ECE1: variants seen among roughly 807,000 people sequenced by gnomAD.
The protein encoded by ECE1 is endothelin-converting enzyme 1.
Under a neutral mutation model 98.6 loss-of-function variants are expected in ECE1, and 35 were observed. The observed-to-expected ratio is 0.35, with a 90% CI of 0.27 to 0.47. The LOEUF (loss-of-function observed/expected upper bound fraction) is 0.47. ECE1 is among the 20% of genes least tolerant of loss of function. The pLI, the probability that ECE1 is intolerant of heterozygous loss-of-function variation, is 1.00. For missense variants in ECE1, 814 were observed against 1,025.3 expected (o/e 0.79, Z 2.81); for synonymous variants, 394 against 407.1 (o/e 0.97, Z 0.39).
At chr1:21,229,209 G>C (rs1159802940) in intron 14 of ECE1, among the ~76,000 whole-genome samples, 1 of 150,976 alleles carries the variant, frequency 6.6e-6, no homozygotes, top group Non-Finnish European at 1.5e-5. Context: ...TAAGCGACAA[G>C]ATCTTGTTGT....
intron 3 of ECE1, among the ~76,000 whole-genome samples, chr1:21,273,342 TGTGC>T (rs983852021): frequency 1.4e-4 from 13 of 91,124 alleles, no homozygotes; most frequent in African/African-American, 3.5e-4. Flanking sequence ...CCCGTGCGTG[TGTGC>T]GTGTGTGTGT....
At chr1:21,309,350 T>C (rs1638667167) in intron 1 of ECE1, among the ~76,000 whole-genome samples, 1 of 152,238 alleles carries the variant, frequency 6.6e-6, no homozygotes, top group Admixed American at 6.5e-5. Context: ...ACTTAACCTC[T>C]CTGTGCCTCT....
At chr1:21,266,809 G>T (rs564866119) in intron 4 of ECE1, 15 of 152,326 alleles carry the variant, frequency 9.8e-5, no homozygotes, top group Admixed American at 9.2e-4. Context: ...GCCAGGACTG[G>T]AGCCTAAGCC....
chr1:21,343,836 G>C (rs985984370), intron 1 of ECE1, among the ~76,000 whole-genome samples: 6 of 152,172 alleles, frequency 3.9e-5, no homozygotes, highest in African/African-American at 1.4e-4. Flanking sequence ...TTTTAAGGAA[G>C]AAAAAATTTT....
intron 3 of ECE1, among the ~76,000 whole-genome samples, chr1:21,278,279 C>T (rs1390060010): frequency 6.6e-6 from 1 of 152,228 alleles, no homozygotes. Flanking sequence ...GTTTACTGAG[C>T]ATCAACTCTG....
intron 1 of ECE1, among the ~76,000 whole-genome samples, chr1:21,337,235 G>A (rs1425351013): frequency 2.0e-5 from 3 of 152,184 alleles, no homozygotes; most frequent in Admixed American, 6.5e-5. Context: ...ACCCAATGCG[G>A]CACGACTCAG....
intron 15 of ECE1, among the ~76,000 whole-genome samples, chr1:21,227,453 G>A (rs963277847): frequency 1.3e-5 from 2 of 152,220 alleles, no homozygotes; most frequent in South Asian, 2.1e-4. Flanking sequence ...GGCACCATGC[G>A]CTGTGCTAGA....
At position 21,279,297 on chromosome 1, in the gene ECE1, G is replaced by A. The variant is rs1459118953; in HGVS notation, c.174C>T (p.Cys58=). 6 of 1,614,086 alleles carry A rather than the reference G, an allele frequency of 3.7e-6. No homozygotes were observed. The African/African-American group carries it at 8.0e-5, about 22-fold the overall frequency. Residue 58 remains cysteine, a synonymous_variant, in exon 3 of 19, where the codon TGC becomes TGT. Transcript: ENST00000374893. ...TCTCCACCTGGGTCCGTGCAGCCCA[G>A]CACCTCTGGCCACTCCGGGGGCTGT... is the stretch of plus-strand genomic sequence containing the variant. ...NFHSPRSGQR[C]WAARTQVEKR... is the part of the protein sequence containing the mutation.
intron 2 of ECE1, among the ~76,000 whole-genome samples, chr1:21,282,152 TG>T (rs1450101197): frequency 6.6e-6 from 1 of 152,094 alleles, no homozygotes; most frequent in East Asian, 1.9e-4. Context: ...TAGCTAGGCA[TG>T]GTGGCATGCA....
chr1:21,239,826 G>A (rs1449241543), intron 10 of ECE1, among the ~76,000 whole-genome samples: 2 of 151,690 alleles, frequency 1.3e-5, no homozygotes, highest in Non-Finnish European at 2.9e-5. Context: ...GGCAGAAGGG[G>A]ATATTCTCTA....
At chr1:21,288,535 A>G (rs2098263044) in intron 2 of ECE1, among the ~76,000 whole-genome samples, 1 of 152,224 alleles carries the variant, frequency 6.6e-6, no homozygotes, top group Admixed American at 6.5e-5. Flanking sequence ...TTTCATCTGA[A>G]AAAGGTTATA....
intron 1 of ECE1, among the ~76,000 whole-genome samples, chr1:21,309,770 TTTTTTTTCTTTC>T (rs1444490600): frequency 2.7e-5 from 4 of 149,616 alleles, no homozygotes; most frequent in African/African-American, 1.0e-4. Context: ...TGGATTTTCT[TTTTTTTTCTTTC>T]TTTTTTTTTT....
intron 10 of ECE1, among the ~76,000 whole-genome samples, chr1:21,244,175 CA>C (rs2103257200): frequency 6.6e-6 from 1 of 152,274 alleles, no homozygotes; most frequent in South Asian, 2.1e-4. Flanking sequence ...GTGAGCTTGG[CA>C]CACCAGCCTC....
At chr1:21,254,325 C>T (rs902932408) in intron 8 of ECE1, among the ~76,000 whole-genome samples, 5 of 152,128 alleles carry the variant, frequency 3.3e-5, no homozygotes, top group Non-Finnish European at 7.4e-5. Flanking sequence ...CGTGGTGGCT[C>T]ATGCTTATAA....
intron 1 of ECE1, among the ~76,000 whole-genome samples, chr1:21,326,601 TA>T (rs923687798): frequency 1.3e-5 from 2 of 151,404 alleles, no homozygotes; most frequent in African/African-American, 2.4e-5. Context: ...AGGTTCATAA[TA>T]GGGGGGTTAT....
chr1:21,237,809 C>T (rs2098190283), intron 11 of ECE1, among the ~76,000 whole-genome samples: 1 of 152,214 alleles, frequency 6.6e-6, no homozygotes, highest in Non-Finnish European at 1.5e-5. Context: ...AAAATGTCAC[C>T]CTCTGGGCCA....
At chr1:21,270,905 C>T (rs1207225288) in intron 4 of ECE1, among the ~76,000 whole-genome samples, 1 of 152,190 alleles carries the variant, frequency 6.6e-6, no homozygotes, top group East Asian at 1.9e-4. Context: ...CCTTGTTATA[C>T]TACCTGGACT....
chr1:21,222,160 T>C (rs977366931), intron 17 of ECE1: 2 of 409,490 alleles, frequency 4.9e-6, no homozygotes, highest in Admixed American at 3.6e-5. Context: ...CAGAGCCACA[T>C]CGTGTGTGTG....
chr1:21,242,929 C>T (rs1286676142), intron 10 of ECE1, among the ~76,000 whole-genome samples: 1 of 152,218 alleles, frequency 6.6e-6, no homozygotes, highest in African/African-American at 2.4e-5. Context: ...TACAGACATG[C>T]ACCACTGCGC....
Sources: allele counts gnomAD v4.1 joint callset (sites outside exome capture counted in the v4.1 genomes callset), GRCh38; gene constraint gnomAD v4.1.1; transcripts MANE v1.5; gene names NCBI Gene and HGNC (gene_info 2026-07-23, HGNC 2026-07-21).